Variants in ZDHHC2 observed in about 807,000 individuals in gnomAD.
ZDHHC2 encodes zDHHC palmitoyltransferase 2, also known as palmitoyltransferase ZDHHC2.
ZDHHC2 carries 51 observed loss-of-function variants against 55.6 expected under a neutral mutation model. The ratio of observed to expected loss-of-function variants is 0.92; its 90% CI spans 0.73 to 1.16. The LOEUF (loss-of-function observed/expected upper bound fraction) is 1.16, where lower values mean the gene tolerates loss of function less well. ZDHHC2 is among the 50% of genes most tolerant of loss of function. ZDHHC2 has a pLI of 0.00. For missense variants in ZDHHC2, 491 were observed against 442.4 expected (o/e 1.11, Z -0.99); for synonymous variants, 199 against 152.9 (o/e 1.30, Z -2.22).
chr8:17,211,565 C>G (rs957035466), intron 10 of ZDHHC2, among the ~76,000 whole-genome samples: 2 of 152,180 alleles, frequency 1.3e-5, no homozygotes, highest in Admixed American at 1.3e-4. Flanking sequence ...TCATGGCTCA[C>G]TGCAGCCATG....
rs1807692777 is a variant in ZDHHC2, at chr8:17,217,212, A to AT, written c.1104_*1insT. 4 of 1,610,314 alleles carry AT rather than the reference A, an allele frequency of 2.5e-6. No homozygotes were observed. Among genetic ancestry groups the AT allele is most frequent in the Non-Finnish European group, 3.4e-6 (4 of 1,178,082 alleles). ...CATTAACCATGGAAAATGAGACTTA[A>AT]CTCTTCAAGCAAGATAAATTCATAC... On this transcript the variant is annotated 3_prime_UTR_variant, in exon 12 of 13. Transcript: ENST00000262096.
chr8:17,223,077 G>A lies in ZDHHC2; in HGVS notation c.*2856G>A, dbSNP rs893004887. 1 of 151,864 alleles carries A rather than the reference G, an allele frequency of 6.6e-6. No homozygotes were observed. The highest frequency in any genetic ancestry group is 2.4e-5 in the African/African-American group (1 of 41,418). 9.4% of individuals were successfully genotyped at this position (151,864 alleles called of 1,614,324 possible). ...TTAGGCACGCAATCATGTGATTCAT[G>A]CTTCAAGAAAATATATGAAAAAAGT... On this transcript the variant is annotated 3_prime_UTR_variant, in exon 13 of 13. Coordinates refer to ENST00000262096, the MANE Select transcript of ZDHHC2 (RefSeq NM_016353.5).
chr8:17,184,905 T>A, intron 2 of ZDHHC2, 90 bp downstream of exon 2: 1 of 1,224,280 alleles, frequency 8.2e-7, no homozygotes, highest in South Asian at 1.5e-5. Flanking sequence ...TAATAAATTG[T>A]TGTTTGAGAA....
chr8:17,203,063 C>CT (rs10673416), intron 6 of ZDHHC2, among the ~76,000 whole-genome samples: 16,194 of 126,454 alleles, frequency 0.13, 1,749 homozygotes, highest in East Asian at 0.29. Flanking sequence ...TGTCCAAAGT[C>CT]TTTTTTTTTT....
At chr8:17,176,824 A>G (rs1163405781) in intron 1 of ZDHHC2, among the ~76,000 whole-genome samples, 1 of 152,184 alleles carries the variant, frequency 6.6e-6, no homozygotes, top group Non-Finnish European at 1.5e-5. Context: ...CAAAGAAAAA[A>G]AAAGAAACAG....
At chr8:17,207,867 A>G in intron 7 of ZDHHC2, 93 bp from the exon 8 acceptor site, 1 of 1,087,780 alleles carries the variant, frequency 9.2e-7, no homozygotes, top group Non-Finnish European at 1.2e-6. Context: ...GAAAAATTTT[A>G]AGCAAAAAAA....
At chr8:17,208,768 A>T (rs1563167727) in intron 8 of ZDHHC2, among the ~76,000 whole-genome samples, 1 of 152,220 alleles carries the variant, frequency 6.6e-6, no homozygotes, top group Non-Finnish European at 1.5e-5. Flanking sequence ...TTTTATTTCA[A>T]ATTATGTGTT....
chr8:17,217,352 TAGA>T (rs1284784711), intron 12 of ZDHHC2, 106 bp downstream of exon 12: 15 of 832,262 alleles, frequency 1.8e-5, no homozygotes, highest in Non-Finnish European at 2.0e-5. Context: ...GTGATTCATA[TAGA>T]AGATCTTTTA....
chr8:17,204,604 A>G (rs1445582264), intron 6 of ZDHHC2, among the ~76,000 whole-genome samples: 1 of 152,188 alleles, frequency 6.6e-6, no homozygotes, highest in African/African-American at 2.4e-5. Flanking sequence ...TGGGAGCTAA[A>G]TGATGAGAAC....
At position 17,198,401 on chromosome 8, in the gene ZDHHC2, A is replaced by G. The variant is rs753549018; in HGVS notation, c.464A>G (p.His155Arg). The change falls in exon 6 of 13, where the codon CAT (histidine) becomes CGT (arginine). Residue 155 changes from histidine to arginine, a missense_variant. Coordinates refer to ENST00000262096, the MANE Select transcript of ZDHHC2 (RefSeq NM_016353.5). ...TTTAGATGTATTTTGAAGATGGATC[A>G]TCATTGTCCATGGTGAGTTGGCTGT... ...VCDKCILKMD[H>R]HCPWVNNCVG... 2 of 1,602,744 alleles carry G rather than the reference A, an allele frequency of 1.2e-6. No homozygotes were observed. The highest frequency in any genetic ancestry group is 1.7e-6 in the Non-Finnish European group (2 of 1,174,878).
rs1270699925 is a variant in ZDHHC2 at position 17,222,185 on chromosome 8, T to C, written c.*1964T>C. The stretch of plus-strand genomic sequence containing the variant: ...ATGTCAATACACATTAGAATCAGAT[T>C]TGAAAAAGTTAAAACAATTTCATTG... On this transcript the variant is annotated 3_prime_UTR_variant, in exon 13 of 13. Transcript: ENST00000262096. 1 of 151,718 alleles carries C rather than the reference T, an allele frequency of 6.6e-6. No homozygotes were observed. Among genetic ancestry groups the C allele is most frequent in the Non-Finnish European group, 1.5e-5 (1 of 67,766 alleles). The allele number at this position is 151,718 out of a possible 1,614,324, so 9.4% of individuals were successfully genotyped here.
At chr8:17,215,207 G>T (rs1200718878) in intron 10 of ZDHHC2, 30 bp from the exon 11 acceptor site, 2 of 1,528,140 alleles carry the variant, frequency 1.3e-6, no homozygotes, top group South Asian at 1.2e-5. Flanking sequence ...AGCTTATGAT[G>T]ATTTTGATGA....
At chr8:17,199,301 A>G (rs140125646) in intron 6 of ZDHHC2, among the ~76,000 whole-genome samples, 180 of 152,266 alleles carry the variant, frequency 1.2e-3, no homozygotes, top group African/African-American at 4.1e-3. Context: ...CGTTCAGGCT[A>G]GTCAACCCAT....
intron 1 of ZDHHC2, chr8:17,157,705 C>G (rs939930089): frequency 6.6e-6 from 1 of 152,188 alleles, no homozygotes; most frequent in African/African-American, 2.4e-5. Flanking sequence ...GAAAACTGAT[C>G]TGGGTTATCA....
At chr8:17,217,547 T>C (rs1807707231) in intron 12 of ZDHHC2, among the ~76,000 whole-genome samples, 1 of 152,152 alleles carries the variant, frequency 6.6e-6, no homozygotes, top group Non-Finnish European at 1.5e-5. Context: ...TATGTAAAAA[T>C]TATCTTGTCA....
At chr8:17,177,677 GA>G (rs1230347755) in intron 1 of ZDHHC2, among the ~76,000 whole-genome samples, 1 of 151,924 alleles carries the variant, frequency 6.6e-6, no homozygotes, top group Non-Finnish European at 1.5e-5. Context: ...AAGATAAACA[GA>G]AAAAATGTAG....
intron 8 of ZDHHC2, among the ~76,000 whole-genome samples, chr8:17,209,369 C>G (rs1280245110): frequency 6.6e-6 from 1 of 152,132 alleles, no homozygotes; most frequent in Non-Finnish European, 1.5e-5. Flanking sequence ...TGGCATGACA[C>G]CTGTTGCTCC....
chr8:17,205,874 G>C, intron 7 of ZDHHC2, 99 bp downstream of exon 7: 1 of 1,201,030 alleles, frequency 8.3e-7, no homozygotes, highest in Non-Finnish European at 1.1e-6. Context: ...TTATAGACCA[G>C]AGCTCATTGA....
chr8:17,217,827 T>C (rs1463377220), intron 12 of ZDHHC2, among the ~76,000 whole-genome samples: 3 of 152,158 alleles, frequency 2.0e-5, no homozygotes, highest in Non-Finnish European at 4.4e-5. Context: ...TCAGTTTCTT[T>C]AAAATATGAT....
Sources: gnomAD v4.1 joint callset for allele counts (sites outside exome capture counted in the v4.1 genomes callset) on GRCh38, gnomAD v4.1.1 for gene constraint, MANE v1.5 for transcripts, NCBI Gene and HGNC (gene_info 2026-07-23, HGNC 2026-07-21) for gene names.